LUZP2: variants seen among roughly 807,000 people sequenced by gnomAD.
LUZP2 encodes leucine zipper protein 2.
In LUZP2, 52 loss-of-function variants were observed where a neutral mutation model predicts 51.6. The observed-to-expected ratio is 1.01, with a 90% CI of 0.81 to 1.27. The LOEUF is 1.27. LUZP2 is among the 50% of genes most tolerant of loss of function. The pLI is 0.00. For missense variants in LUZP2, 436 were observed against 395.4 expected (o/e 1.10, Z -0.87); for synonymous variants, 154 against 137.3 (o/e 1.12, Z -0.85).
chr11:25,029,861 T>G (rs1402501720), intron 9 of LUZP2, among the ~76,000 whole-genome samples: 1 of 152,166 alleles, frequency 6.6e-6, no homozygotes, highest in African/African-American at 2.4e-5. Flanking sequence ...TATGTTGTTT[T>G]GTGATACATT....
At chr11:25,018,105 A>C (rs11028349) in intron 9 of LUZP2, among the ~76,000 whole-genome samples, 5 of 149,500 alleles carry the variant, frequency 3.3e-5, no homozygotes, top group Non-Finnish European at 7.4e-5. Context: ...TTGATTTGAT[A>C]TTCAGCTTGG....
At chr11:24,503,284 G>A (rs1850056599) in intron 1 of LUZP2, among the ~76,000 whole-genome samples, 1 of 152,160 alleles carries the variant, frequency 6.6e-6, no homozygotes, top group South Asian at 2.1e-4. Flanking sequence ...ATGTGAATGT[G>A]TTGACAATGA....
rs541019475 is a variant in LUZP2 at position 24,894,494 on chromosome 11, T to C, written c.397-11497T>C. Among the ~76,000 whole-genome samples, 48 of 152,118 alleles carry C rather than the reference T, an allele frequency of 3.2e-4. No homozygotes were observed. The South Asian group carries it at 1.0e-2, about 32-fold the overall frequency. On this transcript the variant is annotated intron_variant, in intron 5 of 11. Coordinates refer to ENST00000336930, the MANE Select transcript of LUZP2 (RefSeq NM_001009909.4). ...CCGGCCAGATAATTTCAACTTTTAT[T>C]ATAGATTAAAGGGTACTTGTACAGA...
Position 24,729,239 on chromosome 11 carries a change from C to T in LUZP2, c.133C>T (p.Leu45=), listed in dbSNP as rs1858614751. 1 of 1,574,464 alleles carries T rather than the reference C, an allele frequency of 6.4e-7. No homozygotes were observed. ...FKERSTILRQ[L]TKTSRELDGI... ...GGAGCGAAGCACCATTCTTCGTCAGCTGACAAAGACATCAAGAGAACTTGA... is the reference window on the plus strand; with the variant it reads ...GGAGCGAAGCACCATTCTTCGTCAGTTGACAAAGACATCAAGAGAACTTGA... Residue 45 remains leucine, a synonymous_variant, in exon 2 of 12, where the codon CTG becomes TTG. Transcript: ENST00000336930.
chr11:25,033,294 T>G (rs1048833413), intron 9 of LUZP2, among the ~76,000 whole-genome samples: 2 of 152,224 alleles, frequency 1.3e-5, no homozygotes, highest in African/African-American at 4.8e-5. Context: ...AAGTATTTAT[T>G]CGCAGTCCAG....
chr11:24,695,955 G>A (rs559607598), intron 1 of LUZP2, among the ~76,000 whole-genome samples: 2 of 151,962 alleles, frequency 1.3e-5, no homozygotes, highest in African/African-American at 4.8e-5. Context: ...AGGATATATT[G>A]GAATATAATA....
At chr11:24,951,137 A>C (rs1405466234) in intron 7 of LUZP2, among the ~76,000 whole-genome samples, 1 of 151,596 alleles carries the variant, frequency 6.6e-6, no homozygotes, top group Non-Finnish European at 1.5e-5. Context: ...TATCTTATGT[A>C]GATTTGCGAG....
intron 1 of LUZP2, among the ~76,000 whole-genome samples, chr11:24,713,779 C>G (rs1857933436): frequency 7.1e-6 from 1 of 140,742 alleles, no homozygotes; most frequent in South Asian, 2.3e-4. Context: ...ACCTCTGTCT[C>G]TTGGGTTCAA....
intron 5 of LUZP2, among the ~76,000 whole-genome samples, chr11:24,849,530 A>G (rs1183147625): frequency 6.6e-6 from 1 of 152,108 alleles, no homozygotes; most frequent in African/African-American, 2.4e-5. Flanking sequence ...TCTATCATTC[A>G]TGGGCATTTG....
intron 1 of LUZP2, among the ~76,000 whole-genome samples, chr11:24,682,629 T>C (rs1246140417): frequency 2.1e-4 from 31 of 148,736 alleles, no homozygotes; most frequent in African/African-American, 6.9e-4. Flanking sequence ...TATATATATA[T>C]ACACATATAT....
At chr11:25,071,940 A>G (rs1176096513) in intron 10 of LUZP2, among the ~76,000 whole-genome samples, 2 of 152,136 alleles carry the variant, frequency 1.3e-5, no homozygotes, top group African/African-American at 2.4e-5. Flanking sequence ...GGCACCTGAA[A>G]TAATTAAACA....
intron 5 of LUZP2, among the ~76,000 whole-genome samples, chr11:24,868,245 C>T (rs1477826044): frequency 6.6e-6 from 1 of 152,000 alleles, no homozygotes; most frequent in African/African-American, 2.4e-5. Context: ...ATAAATTCTT[C>T]CTTACTGGAG....
At chr11:24,511,187 C>G (rs941719968) in intron 1 of LUZP2, among the ~76,000 whole-genome samples, 1 of 152,130 alleles carries the variant, frequency 6.6e-6, no homozygotes, top group Non-Finnish European at 1.5e-5. Flanking sequence ...TAAGTTGATT[C>G]AGTTGCTCCA....
intron 7 of LUZP2, among the ~76,000 whole-genome samples, chr11:24,917,922 G>C: frequency 6.6e-6 from 1 of 152,008 alleles, no homozygotes; most frequent in Admixed American, 6.6e-5. Context: ...AAATTACCTT[G>C]GGCAGTATGG....
intron 1 of LUZP2, among the ~76,000 whole-genome samples, chr11:24,524,712 A>G (rs570847835): frequency 3.3e-5 from 5 of 151,860 alleles, no homozygotes; most frequent in African/African-American, 1.2e-4. Context: ...ATTTTTAAAA[A>G]TGAGAGTAGT....
chr11:25,032,708 G>A (rs1390490186), intron 9 of LUZP2, among the ~76,000 whole-genome samples: 1 of 152,098 alleles, frequency 6.6e-6, no homozygotes, highest in East Asian at 1.9e-4. Context: ...AAAGCAGATT[G>A]GTAGAGAAAT....
At chr11:24,586,726 CA>C (rs1853079610) in intron 1 of LUZP2, among the ~76,000 whole-genome samples, 1 of 152,030 alleles carries the variant, frequency 6.6e-6, no homozygotes, top group Non-Finnish European at 1.5e-5. Context: ...TGTTAAAATT[CA>C]AATGCATGAA....
chr11:24,836,812 T>C (rs2134191124), intron 5 of LUZP2, among the ~76,000 whole-genome samples: 1 of 151,830 alleles, frequency 6.6e-6, no homozygotes, highest in African/African-American at 2.4e-5. Context: ...ATAATAAACA[T>C]TATTGAGACA....
intron 5 of LUZP2, among the ~76,000 whole-genome samples, chr11:24,839,505 G>T (rs1353866189): frequency 6.6e-6 from 1 of 151,642 alleles, no homozygotes; most frequent in Non-Finnish European, 1.5e-5. Flanking sequence ...AAAATTGCAT[G>T]TGCTACTGAA....
Sources: gnomAD v4.1 joint callset for allele counts (sites outside exome capture counted in the v4.1 genomes callset) on GRCh38, gnomAD v4.1.1 for gene constraint, MANE v1.5 for transcripts, NCBI Gene and HGNC (gene_info 2026-07-23, HGNC 2026-07-21) for gene names.